The following RCAN2 variants were observed in gnomAD, a reference collection of about 807,000 sequenced individuals.
RCAN2 encodes the protein regulator of calcineurin 2.
A neutral mutation model predicts 23.6 loss-of-function variants in RCAN2; 9 were observed. The observed-to-expected ratio is 0.38, with a 90% CI of 0.23 to 0.67. The LOEUF is 0.67. Among genes scored for constraint, RCAN2 ranks in the 30% least tolerant of loss-of-function variants. RCAN2 has a pLI of 0.51. For synonymous variants in RCAN2, 109 were observed against 115.7 expected (o/e 0.94, Z 0.37); for missense variants, 273 against 302.3 (o/e 0.90, Z 0.72).
At chr6:46,362,271 G>A (rs1388301687) in intron 2 of RCAN2, among the ~76,000 whole-genome samples, 1 of 152,112 alleles carries the variant, frequency 6.6e-6, no homozygotes, top group African/African-American at 2.4e-5. Flanking sequence ...CTCAAGGGGA[G>A]TGAATTCAAA....
chr6:46,268,230 A>T (rs886701215), intron 2 of RCAN2, among the ~76,000 whole-genome samples: 4 of 152,142 alleles, frequency 2.6e-5, no homozygotes, highest in African/African-American at 7.2e-5. Context: ...TTTCCTCCTA[A>T]AATTCCTAAA....
In RCAN2 at chr6:46,456,803, C is replaced by T. The variant is rs1046099882; in HGVS notation, c.174G>A (p.Ser58=). 9.0e-6 allele frequency: 14 copies of T among 1,550,688 alleles called. No individual in the cohort carries two copies. The East Asian group carries it at 9.8e-5, about 11-fold the overall frequency. The change falls in exon 2 of 5, where the codon TCG becomes TCA. Residue 58 remains serine, a synonymous_variant. Transcript: ENST00000371374. ...ACTGGTGAACATTGCACGCAAACAA[C>T]GAGTTGGGGAGGTCATTGAAGTCAG... is the stretch of plus-strand genomic sequence containing the variant. ...AITDFNDLPN[S]LFACNVHQSV...
chr6:46,361,227 A>T (rs1306097732), intron 2 of RCAN2, among the ~76,000 whole-genome samples: 1 of 152,160 alleles, frequency 6.6e-6, no homozygotes, highest in East Asian at 1.9e-4. Flanking sequence ...AGGGTGAGAG[A>T]AAGGAGAGTC....
At chr6:46,259,632 G>A (rs367926976) in intron 2 of RCAN2, among the ~76,000 whole-genome samples, 1 of 152,116 alleles carries the variant, frequency 6.6e-6, no homozygotes, top group Non-Finnish European at 1.5e-5. Flanking sequence ...GATGTCTTAC[G>A]CTTTAACTCA....
chr6:46,240,454 C>A lies in RCAN2; in HGVS notation c.571+6294G>T, dbSNP rs1766264709. ...TGGGAAGAAAAGCCTCTGAAAAAAC[C>A]TTTTTTTTCCAGGGACAATTCTTTC... On this transcript the variant is annotated intron_variant, in intron 4 of 4. Transcript: ENST00000371374. Among the ~76,000 whole-genome samples the A allele has an allele frequency of 2.6e-5, 4 of 151,792 alleles. No individual in the cohort carries two copies. The South Asian group carries it at 8.3e-4, about 32-fold the overall frequency.
At chr6:46,479,442 T>C (rs1300266127) in intron 1 of RCAN2, among the ~76,000 whole-genome samples, 2 of 152,144 alleles carry the variant, frequency 1.3e-5, no homozygotes, top group Non-Finnish European at 2.9e-5. Context: ...CAAATGAACA[T>C]TTACTTAATA....
At chr6:46,487,126 T>C (rs538782085) in intron 1 of RCAN2, among the ~76,000 whole-genome samples, 1 of 152,310 alleles carries the variant, frequency 6.6e-6, no homozygotes, top group East Asian at 1.9e-4. Context: ...CCCCTCTCTA[T>C]TCTATGCCAT....
chr6:46,469,497 A>G (rs1768493089), intron 1 of RCAN2, among the ~76,000 whole-genome samples: 1 of 152,148 alleles, frequency 6.6e-6, no homozygotes, highest in South Asian at 2.1e-4. Flanking sequence ...AAAACCTACA[A>G]AGCATTTGGG....
intron 2 of RCAN2, among the ~76,000 whole-genome samples, chr6:46,353,034 T>C (rs1421826854): frequency 1.3e-5 from 2 of 152,150 alleles, no homozygotes; most frequent in Non-Finnish European, 2.9e-5. Flanking sequence ...GGGCTTTTAT[T>C]GGGTTAGTTA....
chr6:46,357,836 G>A (rs1306889516), intron 2 of RCAN2, among the ~76,000 whole-genome samples: 1 of 152,160 alleles, frequency 6.6e-6, no homozygotes, highest in African/African-American at 2.4e-5. Context: ...ACAATATAAA[G>A]AAGCAGCTAG....
intron 3 of RCAN2, among the ~76,000 whole-genome samples, chr6:46,248,064 A>T (rs2150317878): frequency 6.6e-6 from 1 of 152,326 alleles, no homozygotes; most frequent in Non-Finnish European, 1.5e-5. Context: ...ATACTTACAG[A>T]TCACTTAAGA....
At chr6:46,312,702 A>T (rs1763303702) in intron 2 of RCAN2, among the ~76,000 whole-genome samples, 1 of 152,182 alleles carries the variant, frequency 6.6e-6, no homozygotes, top group Admixed American at 6.5e-5. Context: ...TTCTTCTTTA[A>T]AAAGGAAAGA....
At chr6:46,389,434 T>C (rs1361232297) in intron 2 of RCAN2, among the ~76,000 whole-genome samples, 1 of 152,164 alleles carries the variant, frequency 6.6e-6, no homozygotes, top group Non-Finnish European at 1.5e-5. Context: ...CTCCCAGAAC[T>C]TCAAGGCACT....
intron 2 of RCAN2, among the ~76,000 whole-genome samples, chr6:46,272,606 A>G (rs947074763): frequency 2.0e-5 from 3 of 152,256 alleles, no homozygotes; most frequent in African/African-American, 7.2e-5. Context: ...AATTGGAAAA[A>G]GATACATCAA....
At chr6:46,306,679 A>C (rs1181748718) in intron 2 of RCAN2, among the ~76,000 whole-genome samples, 2 of 152,118 alleles carry the variant, frequency 1.3e-5, no homozygotes, top group Non-Finnish European at 2.9e-5. Flanking sequence ...CTATTTTGGA[A>C]TTGCAGCATC....
intron 2 of RCAN2, among the ~76,000 whole-genome samples, chr6:46,445,095 C>G (rs1767664576): frequency 6.6e-6 from 1 of 152,150 alleles, no homozygotes; most frequent in Non-Finnish European, 1.5e-5. Context: ...AGGTCCATAC[C>G]AGCACCTAGC....
chr6:46,433,051 G>A (rs1461176757), intron 2 of RCAN2, among the ~76,000 whole-genome samples: 1 of 152,128 alleles, frequency 6.6e-6, no homozygotes, highest in Non-Finnish European at 1.5e-5. Context: ...GCATGGCTTT[G>A]GGTGAATAAC....
At chr6:46,402,024 A>G (rs1766261257) in intron 2 of RCAN2, among the ~76,000 whole-genome samples, 1 of 152,354 alleles carries the variant, frequency 6.6e-6, no homozygotes, top group Middle Eastern at 3.4e-3. Context: ...TCTGAGATGC[A>G]TGTAGAAGTA....
At chr6:46,305,626 C>T (rs373519070) in intron 2 of RCAN2, among the ~76,000 whole-genome samples, 4 of 151,980 alleles carry the variant, frequency 2.6e-5, no homozygotes, top group African/African-American at 9.7e-5. Context: ...CACACCTTTA[C>T]TAGAAAAGGC....
Sources: gnomAD v4.1 joint callset for allele counts (sites outside exome capture counted in the v4.1 genomes callset) on GRCh38, gnomAD v4.1.1 for gene constraint, MANE v1.5 for transcripts, NCBI Gene and HGNC (gene_info 2026-07-23, HGNC 2026-07-21) for gene names.